MTUS1: variants seen among roughly 807,000 people sequenced by gnomAD.
MTUS1 encodes the protein microtubule associated scaffold protein 1.
A neutral mutation model predicts 120.8 loss-of-function variants in MTUS1; 109 were observed. That is an observed-to-expected ratio of 0.90 (90% CI 0.77 to 1.06). The LOEUF (loss-of-function observed/expected upper bound fraction) is 1.06, where lower values mean the gene tolerates loss of function less well. Among genes scored for constraint, MTUS1 ranks in the 50% least tolerant of loss-of-function variants. The pLI is 0.00. For missense variants in MTUS1, 2,210 were observed against 1,486.3 expected, an observed-to-expected ratio of 1.49 and a Z score of -8.01; for synonymous variants, 737 against 550.5, an observed-to-expected ratio of 1.34 and a Z score of -4.74.
chr8:17,789,567 T>G (rs1380876083), intron 1 of MTUS1, among the ~76,000 whole-genome samples: 2 of 152,198 alleles, frequency 1.3e-5, no homozygotes, highest in African/African-American at 2.4e-5. Context: ...TCCATTTGAA[T>G]CACGCCAACA....
intron 7 of MTUS1, among the ~76,000 whole-genome samples, chr8:17,680,501 G>A (rs1277242025): frequency 1.6e-4 from 23 of 143,672 alleles, no homozygotes; most frequent in Non-Finnish European, 1.0e-4. Context: ...AAAAAAGCGG[G>A]TTCTGGAGCT....
chr8:17,706,609 T>C (rs73200199), intron 6 of MTUS1, among the ~76,000 whole-genome samples: 1 of 152,188 alleles, frequency 6.6e-6, no homozygotes, highest in Non-Finnish European at 1.5e-5. Flanking sequence ...TATGAAGCTT[T>C]TGGAAAACAA....
intron 3 of MTUS1, among the ~76,000 whole-genome samples, chr8:17,727,108 C>T (rs1179584910): frequency 1.3e-5 from 2 of 152,166 alleles, no homozygotes; most frequent in Non-Finnish European, 2.9e-5. Flanking sequence ...AGGCCCATCC[C>T]CTACACCTAA....
chr8:17,751,177 G>A (rs771911323), intron 2 of MTUS1, among the ~76,000 whole-genome samples: 1 of 152,128 alleles, frequency 6.6e-6, no homozygotes, highest in Non-Finnish European at 1.5e-5. Flanking sequence ...AATTAGCCAG[G>A]CATGTGCACC....
At chr8:17,722,186 C>CTT in intron 4 of MTUS1, 1 of 1,060,972 alleles carries the variant, frequency 9.4e-7, no homozygotes, top group Non-Finnish European at 1.1e-6. Context: ...GACAAAAGCA[C>CTT]TTTACAGCCT....
intron 13 of MTUS1, among the ~76,000 whole-genome samples, chr8:17,647,577 G>C (rs894472612): frequency 6.6e-6 from 1 of 152,062 alleles, no homozygotes; most frequent in African/African-American, 2.4e-5. Context: ...CAGCATTTGC[G>C]TCTGAGTGGC....
chr8:17,774,672 C>G (rs1301037079), intron 1 of MTUS1, among the ~76,000 whole-genome samples: 1 of 152,176 alleles, frequency 6.6e-6, no homozygotes, highest in East Asian at 1.9e-4. Context: ...CTATGGAAAA[C>G]AATTCTGTGG....
chr8:17,747,087 G>C (rs909778983), intron 2 of MTUS1, among the ~76,000 whole-genome samples: 1 of 151,950 alleles, frequency 6.6e-6, no homozygotes, highest in Admixed American at 6.6e-5. Flanking sequence ...TCTCAAACTC[G>C]AATAGGGTTA....
At chr8:17,648,050 C>T (rs536262598) in intron 13 of MTUS1, among the ~76,000 whole-genome samples, 1 of 152,224 alleles carries the variant, frequency 6.6e-6, no homozygotes, top group South Asian at 2.1e-4. Context: ...CCAGATAAAA[C>T]AACGTGGAAA....
chr8:17,747,734 G>A (rs1296357989), intron 2 of MTUS1, among the ~76,000 whole-genome samples: 1 of 152,148 alleles, frequency 6.6e-6, no homozygotes, highest in Non-Finnish European at 1.5e-5. Flanking sequence ...CGGCTTGACT[G>A]ATGTATTAGT....
intron 4 of MTUS1, 196 bp downstream of exon 4, chr8:17,723,476 T>C (rs1486940826): frequency 1.5e-6 from 1 of 655,292 alleles, no homozygotes; most frequent in Non-Finnish European, 2.7e-6. Flanking sequence ...AAAAATATAC[T>C]TTAACACATA....
intron 8 of MTUS1, among the ~76,000 whole-genome samples, chr8:17,673,266 C>G (rs1191903136): frequency 6.6e-6 from 1 of 152,076 alleles, no homozygotes; most frequent in East Asian, 1.9e-4. Context: ...TGAACTGTTT[C>G]ACCAGAACTC....
intron 1 of MTUS1, among the ~76,000 whole-genome samples, chr8:17,760,967 G>A (rs1023461219): frequency 2.9e-4 from 44 of 151,948 alleles, no homozygotes; most frequent in African/African-American, 4.8e-4. Flanking sequence ...CCAGAACAAA[G>A]CAGAATGATC....
chr8:17,677,908 G>A (rs1411763270), intron 7 of MTUS1, among the ~76,000 whole-genome samples: 2 of 152,138 alleles, frequency 1.3e-5, no homozygotes, highest in African/African-American at 4.8e-5. Flanking sequence ...ATTTTTCATA[G>A]CAGATGCTGT....
At chr8:17,656,546 C>CCA (rs67253208) in intron 8 of MTUS1, among the ~76,000 whole-genome samples, 1 of 42,328 alleles carries the variant, frequency 2.4e-5, no homozygotes, top group African/African-American at 5.9e-5. Context: ...ACAAACAAAA[C>CCA]CCCCCCCCAC....
chr8:17,751,424 T>C (rs2048179493), intron 2 of MTUS1, among the ~76,000 whole-genome samples: 1 of 152,188 alleles, frequency 6.6e-6, no homozygotes, highest in Non-Finnish European at 1.5e-5. Flanking sequence ...AGCAAATTCA[T>C]TCAGCTCTCT....
intron 4 of MTUS1, chr8:17,721,813 C>T: frequency 6.2e-7 from 1 of 1,614,138 alleles, no homozygotes; most frequent in South Asian, 1.1e-5. Flanking sequence ...CCTCTCTGAA[C>T]CAGCCGGTGG....
intron 6 of MTUS1, chr8:17,697,878 C>T: frequency 3.8e-6 from 1 of 265,764 alleles, no homozygotes; most frequent in Non-Finnish European, 5.8e-6. Context: ...TAAACTGTGT[C>T]CTGATTTTAA....
intron 6 of MTUS1, among the ~76,000 whole-genome samples, chr8:17,700,167 A>G (rs184361111): frequency 2.0e-4 from 31 of 152,268 alleles, no homozygotes; most frequent in Admixed American, 1.9e-3. Context: ...AAAGTTAGCT[A>G]TGAGTCTTTA....
Sources: gnomAD v4.1 joint callset for allele counts (sites outside exome capture counted in the v4.1 genomes callset) on GRCh38, gnomAD v4.1.1 for gene constraint, MANE v1.5 for transcripts, NCBI Gene and HGNC (gene_info 2026-07-23, HGNC 2026-07-21) for gene names.